ZAN: variants seen among roughly 807,000 people sequenced by gnomAD.
ZAN encodes zonadhesin (gene/pseudogene).
In ZAN, 260 loss-of-function variants were observed where a neutral mutation model predicts 286.2. That is an observed-to-expected ratio of 0.91 (90% CI 0.82 to 1.01). ZAN has a LOEUF of 1.01. Among genes scored for constraint, ZAN ranks in the 50% least tolerant of loss-of-function variants. The probability of loss-of-function intolerance (pLI) is 0.00; values close to 1 mark genes in which losing one functional copy is unlikely to be tolerated. For synonymous variants in ZAN, 1,368 were observed against 1,417.5 expected (o/e 0.97, Z 0.79); for missense variants, 3,410 against 3,639.2 (o/e 0.94, Z 1.62).
intron 11 of ZAN, among the ~76,000 whole-genome samples, chr7:100,749,260 T>C (rs1359640857): frequency 6.6e-6 from 1 of 152,022 alleles, no homozygotes; most frequent in Non-Finnish European, 1.5e-5. Context: ...GAGAACTGCC[T>C]GACCCCAGGA....
chr7:100,738,696 A>C (rs1807479916), intron 7 of ZAN, 83 bp downstream of exon 7: 1 of 1,341,168 alleles, frequency 7.5e-7, no homozygotes, highest in South Asian at 1.3e-5. Flanking sequence ...GTCTGTCATG[A>C]ACACCTACAG....
At chr7:100,757,767 A>C (rs905192908) in intron 15 of ZAN, among the ~76,000 whole-genome samples, 12 of 146,342 alleles carry the variant, frequency 8.2e-5, no homozygotes, top group South Asian at 4.3e-4. Context: ...AAAAAAAAAA[A>C]AAAACAAAAA....
Position 100,775,661 on chromosome 7 carries a change from C to G in ZAN, c.6028-8C>G. The stretch of plus-strand genomic sequence containing the variant: ...GCTCCTACTCACCGTCACTGTCCTC[C>G]TGTTTAGATCAACAGCAAACAGGTC... On this transcript the variant is annotated splice_polypyrimidine_tract_variant and splice_region_variant and intron_variant, in intron 32 of 47. Transcript: ENST00000613979. 6.2e-7 allele frequency: 1 copy of G among 1,613,750 alleles called. No homozygotes were observed. The highest frequency in any genetic ancestry group is 8.5e-7 in the Non-Finnish European group (1 of 1,179,750).
At chr7:100,782,873 CAT>C (rs1327916987) in intron 35 of ZAN, among the ~76,000 whole-genome samples, 1 of 152,050 alleles carries the variant, frequency 6.6e-6, no homozygotes, top group Non-Finnish European at 1.5e-5. Context: ...ACTAAATTCC[CAT>C]ATATATTTGG....
rs1268351255 is a variant in ZAN, at chr7:100,738,614, G to C, written c.766+1G>C. The C allele has an allele frequency of 1.3e-6, 2 of 1,515,938 alleles. No individual in the cohort carries two copies. The highest frequency in any genetic ancestry group is 1.8e-6 in the Non-Finnish European group (2 of 1,104,058). 93.9% of individuals were successfully genotyped at this position (1,515,938 alleles called of 1,614,324 possible). A position where few individuals can be genotyped will look rare whatever the true frequency, so the allele number is the denominator to read the frequency against. Reference sequence around the variant, plus strand: ...GATGGCGACTTCTCTAGCCCTGGTAGTGAGTAGCGGCCATGCTTCTGTCCC... The same window carrying C: ...GATGGCGACTTCTCTAGCCCTGGTACTGAGTAGCGGCCATGCTTCTGTCCC... On this transcript the variant is annotated splice_donor_variant, in intron 7 of 47. Coordinates refer to ENST00000613979, the MANE Select transcript of ZAN (RefSeq NM_003386.3). LOFTEE classifies it high-confidence loss of function.
At chr7:100,742,312 G>A (rs1345963713) in intron 7 of ZAN, among the ~76,000 whole-genome samples, 5 of 82,674 alleles carry the variant, frequency 6.0e-5, no homozygotes, top group Non-Finnish European at 1.3e-4. Context: ...ATGTGATGGC[G>A]GCTGGGAAGA....
At chr7:100,792,262 TC>T (rs1812027557) in intron 41 of ZAN, 114 bp downstream of exon 41, 6 of 1,498,148 alleles carry the variant, frequency 4.0e-6, no homozygotes, top group Non-Finnish European at 5.4e-6. Context: ...TCCTCCGTTC[TC>T]CCTGTGGCCT....
At position 100,762,257 on chromosome 7, in the gene ZAN, C is replaced by A; in HGVS notation, c.3885C>A (p.Asp1295Glu). Residue 1295 changes from aspartate (D) to glutamate (E), a missense_variant, in exon 20 of 48, where the codon GAC (aspartate) becomes GAA (glutamate). Physicochemically the swap from Asp to Glu is conservative, Grantham distance 45. Transcript: ENST00000613979. ...GKLCGLCGNY[D>E]GNSDNDHLKL... ...TCTGTGGTTTGTGTGGGAACTATGA[C>A]GGCAACAGTGACAATGACCACCTGA... 1 of 1,613,452 alleles carries A rather than the reference C, an allele frequency of 6.2e-7. No individual in the cohort carries two copies. Among genetic ancestry groups the A allele is most frequent in the Non-Finnish European group, 8.5e-7 (1 of 1,179,700 alleles).
rs930870242 is a variant in ZAN at position 100,736,720 on chromosome 7, C to T, written c.254-89C>T. ...TGGAGAGAGAAGGGAGGCAGCCAGACCTGGATGCCTGGGCTCTGAGAAGGG... is the reference window on the plus strand; with the variant it reads ...TGGAGAGAGAAGGGAGGCAGCCAGATCTGGATGCCTGGGCTCTGAGAAGGG... On this transcript the variant is annotated intron_variant, in intron 4 of 47. Coordinates refer to ENST00000613979, the MANE Select transcript of ZAN (RefSeq NM_003386.3). The T allele has an allele frequency of 7.4e-5, 108 of 1,464,426 alleles. 16 individuals carry two copies. The Admixed American group carries it at 2.1e-3, about 28-fold the overall frequency. The allele number at this position is 1,464,426 out of a possible 1,614,324, so 90.7% of individuals were successfully genotyped here. A position where few individuals can be genotyped will look rare whatever the true frequency, so the allele number is the denominator to read the frequency against.
intron 15 of ZAN, 67 bp from the exon 16 acceptor site, chr7:100,758,135 A>C: frequency 7.8e-7 from 1 of 1,285,116 alleles, no homozygotes; most frequent in Non-Finnish European, 1.0e-6. Context: ...TAAATGAAAA[A>C]GAAAGGCAAA....
At chr7:100,758,696 G>C (rs1439644035) in intron 17 of ZAN, 46 bp downstream of exon 17, 3 of 1,543,290 alleles carry the variant, frequency 1.9e-6, no homozygotes, top group South Asian at 2.4e-5. Context: ...GGGTCTGTGG[G>C]CAGCGCTGCT....
intron 18 of ZAN, 90 bp downstream of exon 18, chr7:100,759,935 G>A (rs775680559): frequency 7.3e-5 from 109 of 1,493,196 alleles, no homozygotes; most frequent in Non-Finnish European, 9.3e-5. Context: ...CCACGGATGG[G>A]GTTCAACAAG....
rs759199367 is a variant in ZAN, at chr7:100,784,733, G to T, written c.6733G>T (p.Ala2245Ser). ...CEGAKVPSAC[A>S]EGCICQPGYV... ...GGGCGCCAAAGTCCCCTCTGCCTGC[G>T]CTGAGGGCTGCATTTGTCAGCCCGG... is the stretch of plus-strand genomic sequence containing the variant. The change falls in exon 36 of 48, where the codon GCT (alanine) becomes TCT (serine). Residue 2245 changes from alanine (A) to serine (S), a missense_variant. Ala to Ser is a moderately conservative substitution (Grantham distance 99, BLOSUM62 1). This residue lies in a region of ZAN where 1,289 missense variants were observed against 1,314.3 expected (regional missense o/e 0.98). Transcript: ENST00000613979. 6.2e-7 allele frequency: 1 copy of T among 1,613,912 alleles called. No individual in the cohort carries two copies.
intron 41 of ZAN, 94 bp from the exon 42 acceptor site, chr7:100,792,305 TGATGTC>T: frequency 6.6e-7 from 1 of 1,518,012 alleles, no homozygotes; most frequent in Non-Finnish European, 8.8e-7. Flanking sequence ...GGACACCGAC[TGATGTC>T]TTTCTGTTTG....
At chr7:100,787,719 A>G (rs906828816) in intron 37 of ZAN, among the ~76,000 whole-genome samples, 170 bp from the exon 38 acceptor site, 8 of 151,968 alleles carry the variant, frequency 5.3e-5, no homozygotes, top group African/African-American at 1.9e-4. Flanking sequence ...GCACCACCAC[A>G]CCTGGCTAAT....
At chr7:100,778,192 A>G (rs1023814308) in intron 34 of ZAN, among the ~76,000 whole-genome samples, 1 of 152,100 alleles carries the variant, frequency 6.6e-6, no homozygotes, top group African/African-American at 2.4e-5. Flanking sequence ...CTGTAGTCCC[A>G]GCTATTTGGG....
chr7:100,797,263 G>C, intron 45 of ZAN, 103 bp from the exon 46 acceptor site: 1 of 1,054,240 alleles, frequency 9.5e-7, no homozygotes, highest in South Asian at 1.4e-5. Context: ...TTAGAGAGAT[G>C]AGGTCCCCTG....
chr7:100,748,920 C>T (rs1411473523), intron 11 of ZAN, among the ~76,000 whole-genome samples: 2 of 151,894 alleles, frequency 1.3e-5, no homozygotes, highest in Non-Finnish European at 2.9e-5. Context: ...CTTGTGGTCC[C>T]ACCTACTTGC....
Position 100,762,897 on chromosome 7 carries a change from T to G in ZAN, c.3986+539T>G, listed in dbSNP as rs138698792. Among the ~76,000 whole-genome samples, 749 of 151,898 alleles carry G rather than the reference T, an allele frequency of 4.9e-3. 5 individuals are homozygous for G. Among genetic ancestry groups the G allele is most frequent in the African/African-American group, 0.017 (708 of 41,424 alleles). On this transcript the variant is annotated intron_variant, in intron 20 of 47. Coordinates refer to ENST00000613979, the MANE Select transcript of ZAN (RefSeq NM_003386.3). Reference sequence around the variant, plus strand: ...TTGGACTACACCATGCCCAGCTAACTTTAACAAAATTTTTTGGTAGACATG... The same window carrying G: ...TTGGACTACACCATGCCCAGCTAACGTTAACAAAATTTTTTGGTAGACATG...
Sources: allele counts gnomAD v4.1 joint callset (sites outside exome capture counted in the v4.1 genomes callset), GRCh38; gene constraint gnomAD v4.1.1; regional missense constraint gnomAD v4.1.1; transcripts MANE v1.5; gene names NCBI Gene and HGNC (gene_info 2026-07-23, HGNC 2026-07-21).